PIP4K2A: variants seen among roughly 807,000 people sequenced by gnomAD.
PIP4K2A encodes phosphatidylinositol-5-phosphate 4-kinase type 2 alpha.
PIP4K2A carries 14 observed loss-of-function variants against 42.9 expected under a neutral mutation model. The ratio of observed to expected loss-of-function variants is 0.33; its 90% CI spans 0.22 to 0.51. The LOEUF is 0.51. Ranked by LOEUF, PIP4K2A falls within the 20% of genes least tolerant of loss-of-function variation. The pLI, the probability that PIP4K2A is intolerant of heterozygous loss-of-function variation, is 0.97. For synonymous variants in PIP4K2A, 192 were observed against 192.2 expected (o/e 1.00, Z 0.01); for missense variants, 434 against 519.8 (o/e 0.83, Z 1.61).
chr10:22,684,931 G>A (rs547844836), intron 1 of PIP4K2A, among the ~76,000 whole-genome samples: 2 of 152,048 alleles, frequency 1.3e-5, no homozygotes, highest in African/African-American at 2.4e-5. Context: ...TGACCATTTC[G>A]GCAAGTGTCC....
At chr10:22,699,486 T>C (rs1249860056) in intron 1 of PIP4K2A, among the ~76,000 whole-genome samples, 2 of 151,862 alleles carry the variant, frequency 1.3e-5, no homozygotes, top group African/African-American at 4.8e-5. Context: ...ACACACTAGA[T>C]ACCTGGGAAT....
At chr10:22,588,640 T>C (rs1019114787) in intron 4 of PIP4K2A, among the ~76,000 whole-genome samples, 7 of 152,182 alleles carry the variant, frequency 4.6e-5, no homozygotes, top group Non-Finnish European at 5.9e-5. Context: ...CATGAATAAA[T>C]GAATGAATGA....
intron 1 of PIP4K2A, among the ~76,000 whole-genome samples, chr10:22,620,558 T>C (rs1025587073): frequency 6.6e-6 from 1 of 152,268 alleles, no homozygotes; most frequent in African/African-American, 2.4e-5. Context: ...GCCCAGATAG[T>C]GATTTAGAAA....
intron 1 of PIP4K2A, among the ~76,000 whole-genome samples, chr10:22,679,621 A>T (rs971582276): frequency 6.6e-6 from 1 of 152,244 alleles, no homozygotes; most frequent in African/African-American, 2.4e-5. Context: ...TCATAGCAGC[A>T]TTATTCGTAA....
intron 6 of PIP4K2A, among the ~76,000 whole-genome samples, chr10:22,561,732 T>A (rs1244685781): frequency 6.6e-6 from 1 of 151,478 alleles, no homozygotes; most frequent in Non-Finnish European, 1.5e-5. Context: ...CCAGCTAATT[T>A]TTTGAATTGT....
chr10:22,678,433 ATTTCCCAAACC>A (rs1402429301), intron 1 of PIP4K2A, among the ~76,000 whole-genome samples: 2 of 152,140 alleles, frequency 1.3e-5, no homozygotes, highest in Non-Finnish European at 2.9e-5. Flanking sequence ...CTTAGTGGCT[ATTTCCCAAACC>A]TTTCTGCATT....
chr10:22,595,008 ACT>A (rs1391919507), intron 3 of PIP4K2A, among the ~76,000 whole-genome samples: 16 of 152,244 alleles, frequency 1.1e-4, no homozygotes, highest in African/African-American at 3.9e-4. Context: ...AGTTAGGAAC[ACT>A]GTGTCAAAAC....
chr10:22,576,090 CAA>C (rs1238373803), intron 4 of PIP4K2A, among the ~76,000 whole-genome samples: 2 of 152,044 alleles, frequency 1.3e-5, no homozygotes, highest in Non-Finnish European at 2.9e-5. Context: ...CAAGTCATAC[CAA>C]AGTTTATCTA....
intron 4 of PIP4K2A, among the ~76,000 whole-genome samples, chr10:22,575,342 G>T (rs1299685912): frequency 6.6e-6 from 1 of 152,132 alleles, no homozygotes; most frequent in Middle Eastern, 3.2e-3. Context: ...TGCCCCAGGG[G>T]ACACACCGAT....
chr10:22,714,071 C>T (rs1342611918), intron 1 of PIP4K2A, 112 bp downstream of exon 1: 72 of 1,164,776 alleles, frequency 6.2e-5, no homozygotes, highest in Non-Finnish European at 8.3e-5. Flanking sequence ...AGCCGGAGGT[C>T]CAGGGCTGAC....
chr10:22,604,814 T>C (rs1226914853), intron 3 of PIP4K2A, among the ~76,000 whole-genome samples: 1 of 152,192 alleles, frequency 6.6e-6, no homozygotes, highest in Non-Finnish European at 1.5e-5. Context: ...TGGCGCCACA[T>C]GTGCCAAATG....
intron 6 of PIP4K2A, among the ~76,000 whole-genome samples, chr10:22,562,613 C>T (rs532869034): frequency 6.6e-5 from 10 of 152,156 alleles, no homozygotes; most frequent in African/African-American, 7.2e-5. Context: ...GTTTAACAAA[C>T]GTTTCTAGAG....
At chr10:22,631,179 C>A (rs546774560) in intron 1 of PIP4K2A, among the ~76,000 whole-genome samples, 1 of 152,158 alleles carries the variant, frequency 6.6e-6, no homozygotes, top group African/African-American at 2.4e-5. Flanking sequence ...TTTTTAATAA[C>A]CTTTTTGTAA....
rs145770927 is a variant in PIP4K2A, at chr10:22,535,839, A to G, written c.*1362T>C. 174 of 328,102 alleles carry G rather than the reference A, an allele frequency of 5.3e-4. 2 individuals are homozygous for G. Among genetic ancestry groups the G allele is most frequent in the African/African-American group, 3.5e-3 (164 of 47,488 alleles). The allele number at this position is 328,102 out of a possible 1,614,324, so 20.3% of individuals were successfully genotyped here. A position where few individuals can be genotyped will look rare whatever the true frequency, so the allele number is the denominator to read the frequency against. On this transcript the variant is annotated 3_prime_UTR_variant, in exon 10 of 10. Coordinates refer to ENST00000376573, the MANE Select transcript of PIP4K2A (RefSeq NM_005028.5). ...ACTTTCATAAACCAGACTGGGGCGA[A>G]ATCTCTTTTTAAAAAAATCAATCAT...
chr10:22,688,033 G>GA (rs1404179565), intron 1 of PIP4K2A, among the ~76,000 whole-genome samples: 1 of 152,044 alleles, frequency 6.6e-6, no homozygotes, highest in African/African-American at 2.4e-5. Flanking sequence ...AGAAATAGGG[G>GA]AAAAAATGAA....
Position 22,537,824 on chromosome 10 carries a change from G to A in PIP4K2A, c.1141-543C>T, listed in dbSNP as rs370773667. 5.3e-5 allele frequency among the ~76,000 whole-genome samples: 8 copies of A among 152,288 alleles called. No homozygotes were observed. In the East Asian group the frequency reaches 1.5e-3, roughly 29 times the overall value. The stretch of plus-strand genomic sequence containing the variant: ...AGCAGCCACAGGTTCTGGGACAGCT[G>A]CCCCCAGCCCATTCCCTGCACCGTA... On this transcript the variant is annotated intron_variant, in intron 9 of 9. Coordinates refer to ENST00000376573, the MANE Select transcript of PIP4K2A (RefSeq NM_005028.5).
intron 1 of PIP4K2A, among the ~76,000 whole-genome samples, chr10:22,681,351 A>G (rs1351749992): frequency 1.3e-5 from 2 of 152,224 alleles, no homozygotes; most frequent in Non-Finnish European, 2.9e-5. Flanking sequence ...ACTGTCAGCT[A>G]GGCCTTCTGA....
At chr10:22,645,842 A>G (rs1057256184) in intron 1 of PIP4K2A, among the ~76,000 whole-genome samples, 10 of 152,054 alleles carry the variant, frequency 6.6e-5, no homozygotes. Context: ...CTGGGACTAC[A>G]GGTACGAGCC....
chr10:22,614,526 C>T (rs1732754568), intron 1 of PIP4K2A, among the ~76,000 whole-genome samples: 1 of 152,206 alleles, frequency 6.6e-6, no homozygotes, highest in Non-Finnish European at 1.5e-5. Context: ...CCCCAGAAAA[C>T]TTCTTCGTCA....
Sources: gnomAD v4.1 joint callset for allele counts (sites outside exome capture counted in the v4.1 genomes callset) on GRCh38, gnomAD v4.1.1 for gene constraint, MANE v1.5 for transcripts, NCBI Gene and HGNC (gene_info 2026-07-23, HGNC 2026-07-21) for gene names.